Variants in MMRN1 observed in about 807,000 individuals in gnomAD.
The protein encoded by MMRN1 is multimerin-1.
A neutral mutation model predicts 100.7 loss-of-function variants in MMRN1; 94 were observed. The observed-to-expected ratio is 0.93, with a 90% CI of 0.79 to 1.11. The LOEUF is 1.11. MMRN1 is among the 50% of genes least tolerant of loss of function. The probability of loss-of-function intolerance (pLI) is 0.00; values close to 1 mark genes in which losing one functional copy is unlikely to be tolerated. For synonymous variants in MMRN1, 575 were observed against 505.0 expected, an observed-to-expected ratio of 1.14 and a Z score of -1.86; for missense variants, 1,606 against 1,439.1, an observed-to-expected ratio of 1.12 and a Z score of -1.88.
chr4:89,930,974 T>C (rs1722415183), intron 5 of MMRN1, among the ~76,000 whole-genome samples: 1 of 152,120 alleles, frequency 6.6e-6, no homozygotes, highest in African/African-American at 2.4e-5. Context: ...GGCTAGTTAG[T>C]CTTTTCTAAT....
intron 1 of MMRN1, among the ~76,000 whole-genome samples, chr4:89,884,585 C>A (rs1251420835): frequency 1.3e-5 from 2 of 151,980 alleles, no homozygotes; most frequent in East Asian, 3.9e-4. Context: ...TTTTCTTTTT[C>A]TTTTCTTTCC....
At chr4:89,882,934 A>G (rs1221823558) in intron 1 of MMRN1, among the ~76,000 whole-genome samples, 1 of 151,998 alleles carries the variant, frequency 6.6e-6, no homozygotes, top group Non-Finnish European at 1.5e-5. Flanking sequence ...TCTCCTCCCC[A>G]GAAGAAACTT....
intron 4 of MMRN1, among the ~76,000 whole-genome samples, chr4:89,924,998 T>C (rs1405280570): frequency 6.6e-6 from 1 of 152,156 alleles, no homozygotes; most frequent in African/African-American, 2.4e-5. Flanking sequence ...CAAGCATTTA[T>C]CCTTTCGGTT....
chr4:89,919,442 T>C (rs1722020985), intron 3 of MMRN1, among the ~76,000 whole-genome samples: 1 of 151,748 alleles, frequency 6.6e-6, no homozygotes, highest in Non-Finnish European at 1.5e-5. Context: ...CTAATAATTT[T>C]ATTTCTATAT....
intron 1 of MMRN1, among the ~76,000 whole-genome samples, chr4:89,896,123 C>T (rs1721199389): frequency 6.6e-6 from 1 of 152,030 alleles, no homozygotes; most frequent in Non-Finnish European, 1.5e-5. Flanking sequence ...TGTCTGTGAA[C>T]CTCAGTTTCT....
At chr4:89,923,940 G>T (rs1421060142) in intron 4 of MMRN1, among the ~76,000 whole-genome samples, 1 of 152,184 alleles carries the variant, frequency 6.6e-6, no homozygotes, top group Admixed American at 6.5e-5. Context: ...GAATGCAGCT[G>T]AATATCCCTT....
upstream of MMRN1, among the ~76,000 whole-genome samples, chr4:89,891,268 T>G (rs1721047684): frequency 6.6e-6 from 1 of 152,038 alleles, no homozygotes; most frequent in South Asian, 2.1e-4. Context: ...TTATTTAGAT[T>G]ACTTTTTTTT....
At chr4:89,912,715 A>C (rs939620470) in intron 3 of MMRN1, among the ~76,000 whole-genome samples, 1 of 151,298 alleles carries the variant, frequency 6.6e-6, no homozygotes, top group Admixed American at 6.6e-5. Flanking sequence ...AAATGAATGA[A>C]TATTACAAGA....
rs939354179 is a variant in MMRN1, at chr4:89,954,255, A to G, written c.*837A>G. 5 of 152,134 alleles carry G rather than the reference A, an allele frequency of 3.3e-5. No individual in the cohort carries two copies. Among genetic ancestry groups the G allele is most frequent in the South Asian group, 2.1e-4 (1 of 4,826 alleles). 9.4% of individuals were successfully genotyped at this position (152,134 alleles called of 1,614,324 possible). On this transcript the variant is annotated 3_prime_UTR_variant, in exon 8 of 8. Coordinates refer to ENST00000264790, the MANE Select transcript of MMRN1 (RefSeq NM_007351.3). ...CCTGTTTCTCTTCTAAACAATTTAC[A>G]TGTAATGTCTCATTCCTCACAATAA...
At chr4:89,890,759 G>C (rs951736057), upstream of MMRN1, among the ~76,000 whole-genome samples, 1 of 151,944 alleles carries the variant, frequency 6.6e-6, no homozygotes, top group African/African-American at 2.4e-5. Flanking sequence ...GCAATGACAT[G>C]GTTTTGTGAA....
rs1411085892 is a variant in MMRN1 at position 89,935,594 on chromosome 4, A to G, written c.1914A>G (p.Gln638=). 5 of 1,613,476 alleles carry G rather than the reference A, an allele frequency of 3.1e-6. No individual in the cohort carries two copies. The African/African-American group carries it at 5.3e-5, about 17-fold the overall frequency. Residue 638 remains glutamine (Q), a synonymous_variant, in exon 6 of 8, where the codon CAA becomes CAG. Transcript: ENST00000264790. ...ATAAGATGGACAAAATGAGTGAGCA[A>G]CTAAATGATTTGACTTATGATATGG... The part of the protein sequence containing the change: ...MDNKMDKMSE[Q]LNDLTYDMEI...
At chr4:89,951,835 T>G in intron 7 of MMRN1, 84 bp downstream of exon 7, 1 of 1,453,760 alleles carries the variant, frequency 6.9e-7, no homozygotes, top group Non-Finnish European at 9.4e-7. Flanking sequence ...AATGAATATT[T>G]AAGCCTGCTT....
intron 4 of MMRN1, among the ~76,000 whole-genome samples, chr4:89,924,529 T>C (rs1722184517): frequency 1.3e-5 from 2 of 151,390 alleles, no homozygotes; most frequent in African/African-American, 2.4e-5. Context: ...AATATATATA[T>C]ATTAATTTTT....
At chr4:89,927,736 T>C (rs933475141) in intron 4 of MMRN1, 59 bp from the exon 5 acceptor site, 19 of 1,507,258 alleles carry the variant, frequency 1.3e-5, no homozygotes, top group African/African-American at 5.6e-5. Flanking sequence ...TTCAGTATGA[T>C]ACCAACTATG....
intron 1 of MMRN1, among the ~76,000 whole-genome samples, chr4:89,905,090 T>C (rs1271497152): frequency 6.6e-6 from 1 of 151,644 alleles, no homozygotes; most frequent in Admixed American, 6.6e-5. Flanking sequence ...CAAAAAGTAG[T>C]AAACACTTAT....
chr4:89,905,051 T>C (rs541821968), intron 1 of MMRN1, among the ~76,000 whole-genome samples: 2 of 151,506 alleles, frequency 1.3e-5, no homozygotes, highest in East Asian at 3.9e-4. Flanking sequence ...ACTTATAGAG[T>C]TGAGAATGAG....
Position 89,934,998 on chromosome 4 carries a change from C to T in MMRN1, c.1318C>T (p.Gln440Ter), listed in dbSNP as rs1490851223. 6.2e-7 allele frequency: 1 copy of T among 1,612,778 alleles called. No individual in the cohort carries two copies. Among genetic ancestry groups the T allele is most frequent in the Admixed American group, 1.7e-5 (1 of 59,824 alleles). ...VNESVVSIAA[Q>*]QKFVLVQENR... ...TGAATCTGTGGTTTCAATAGCAGCC[C>T]AGCAAAAGTTTGTTTTGGTGCAAGA... Residue 440 changes from glutamine (Q) to a stop codon, truncating the protein, a stop_gained, in exon 6 of 8, where the codon CAG (glutamine) becomes TAG (stop). Coordinates refer to ENST00000264790, the MANE Select transcript of MMRN1 (RefSeq NM_007351.3). LOFTEE classifies it high-confidence loss of function.
chr4:89,933,082 C>T (rs931214370), intron 5 of MMRN1, among the ~76,000 whole-genome samples: 5 of 152,182 alleles, frequency 3.3e-5, no homozygotes, highest in African/African-American at 1.2e-4. Context: ...CAAGTGATAT[C>T]TTGAACTCTC....
intron 1 of MMRN1, among the ~76,000 whole-genome samples, chr4:89,905,881 C>A (rs1315601324): frequency 6.6e-6 from 1 of 151,424 alleles, no homozygotes; most frequent in Non-Finnish European, 1.5e-5. Flanking sequence ...TCAATTAAAG[C>A]CACAGTTTAT....
Sources: allele counts gnomAD v4.1 joint callset (sites outside exome capture counted in the v4.1 genomes callset), GRCh38; gene constraint gnomAD v4.1.1; transcripts MANE v1.5; gene names NCBI Gene and HGNC (gene_info 2026-07-23, HGNC 2026-07-21).